Variants in PDZRN4 observed in about 807,000 individuals in gnomAD.
The protein encoded by PDZRN4 is PDZ domain-containing RING finger protein 4.
Under a neutral mutation model 99.0 loss-of-function variants are expected in PDZRN4, and 70 were observed. The ratio of observed to expected loss-of-function variants is 0.71; its 90% CI spans 0.58 to 0.86. The LOEUF is 0.86. Ranked by LOEUF, PDZRN4 falls within the 40% of genes least tolerant of loss-of-function variation. The pLI, the probability that PDZRN4 is intolerant of heterozygous loss-of-function variation, is 0.00. For synonymous variants in PDZRN4, 551 were observed against 501.6 expected (o/e 1.10, Z -1.32); for missense variants, 1,474 against 1,331.2 (o/e 1.11, Z -1.67).
intron 5 of PDZRN4, among the ~76,000 whole-genome samples, chr12:41,522,614 T>G (rs1302404622): frequency 6.6e-6 from 1 of 152,146 alleles, no homozygotes; most frequent in Non-Finnish European, 1.5e-5. Flanking sequence ...CTGGCCGTTT[T>G]ATATGCAGGT....
chr12:41,552,736 C>T lies in PDZRN4; in HGVS notation c.1284C>T (p.Thr428=), dbSNP rs758513819. 3.4e-5 allele frequency: 55 copies of T among 1,613,012 alleles called. No homozygotes were observed. The highest frequency in any genetic ancestry group is 5.0e-5 in the Admixed American group (3 of 59,962). ...ACCGAACAGATGATGAAGAAGACAC[C>T]GGCATTTATGTCAGCGAGGTAAGAA... ...VCYRTDDEED[T]GIYVSEVDPN... is the part of the protein sequence containing the mutation. Residue 428 remains threonine (T), a synonymous_variant, in exon 6 of 10, where the codon ACC becomes ACT. Coordinates refer to ENST00000402685, the MANE Select transcript of PDZRN4 (RefSeq NM_001164595.2).
intron 3 of PDZRN4, among the ~76,000 whole-genome samples, chr12:41,368,521 C>A (rs762680702): frequency 6.6e-6 from 1 of 152,058 alleles, no homozygotes; most frequent in Non-Finnish European, 1.5e-5. Flanking sequence ...CACATACACA[C>A]ACACTTCAAA....
At chr12:41,341,806 G>A (rs976530350) in intron 3 of PDZRN4, among the ~76,000 whole-genome samples, 4 of 151,734 alleles carry the variant, frequency 2.6e-5, no homozygotes, top group African/African-American at 9.7e-5. Flanking sequence ...TGCAATCATT[G>A]TCAAAATACC....
At chr12:41,215,649 T>C (rs1025459062) in intron 3 of PDZRN4, among the ~76,000 whole-genome samples, 1 of 151,778 alleles carries the variant, frequency 6.6e-6, no homozygotes, top group East Asian at 1.9e-4. Flanking sequence ...CATTGTAGGA[T>C]TTTTTTTACA....
At position 41,189,012 on chromosome 12, in the gene PDZRN4, A is replaced by C; in HGVS notation, c.557A>C (p.Gln186Pro). The C allele has an allele frequency of 6.4e-7, 1 of 1,554,686 alleles. No individual in the cohort carries two copies. Among genetic ancestry groups the C allele is most frequent in the Non-Finnish European group, 8.6e-7 (1 of 1,158,282 alleles). Reference protein sequence around the residue: ...AQLWALQGEVQLTARRYQEKF... With the variant: ...AQLWALQGEVPLTARRYQEKF... ...CTCTGGGCGCTGCAGGGCGAGGTGC[A>C]GCTCACGGCGCGCAGGTACCAGGAG... Residue 186 changes from glutamine to proline, a missense_variant, in exon 1 of 10, where the codon CAG becomes CCG. Coordinates refer to ENST00000402685, the MANE Select transcript of PDZRN4 (RefSeq NM_001164595.2).
chr12:41,425,584 C>T (rs1334848091), intron 3 of PDZRN4, among the ~76,000 whole-genome samples: 1 of 152,016 alleles, frequency 6.6e-6, no homozygotes, highest in Non-Finnish European at 1.5e-5. Flanking sequence ...GAGAATAAGA[C>T]ACCAAATATA....
intron 3 of PDZRN4, among the ~76,000 whole-genome samples, chr12:41,455,826 A>G (rs1952813116): frequency 6.6e-6 from 1 of 152,220 alleles, no homozygotes; most frequent in Non-Finnish European, 1.5e-5. Flanking sequence ...TTGGTTGAAT[A>G]GAAATTTGTT....
chr12:41,420,511 C>T (rs1952479718), intron 3 of PDZRN4, among the ~76,000 whole-genome samples: 1 of 152,094 alleles, frequency 6.6e-6, no homozygotes, highest in Non-Finnish European at 1.5e-5. Context: ...CTGCCTTACT[C>T]TTAAGTAGCT....
chr12:41,376,784 C>G (rs1952085013), intron 3 of PDZRN4, among the ~76,000 whole-genome samples: 1 of 152,108 alleles, frequency 6.6e-6, no homozygotes, highest in African/African-American at 2.4e-5. Flanking sequence ...TTAGTTTCAT[C>G]TCCAAAAAGT....
At chr12:41,238,550 A>T (rs538325945) in intron 3 of PDZRN4, among the ~76,000 whole-genome samples, 2 of 152,062 alleles carry the variant, frequency 1.3e-5, no homozygotes, top group African/African-American at 4.8e-5. Flanking sequence ...CAACCCCATT[A>T]AAAAGTGGGC....
intron 3 of PDZRN4, among the ~76,000 whole-genome samples, chr12:41,320,592 C>A (rs1373909156): frequency 6.6e-6 from 1 of 152,148 alleles, no homozygotes; most frequent in Non-Finnish European, 1.5e-5. Flanking sequence ...GGCACCTGGT[C>A]AGAAGGGAGA....
At chr12:41,436,832 A>G (rs1952633908) in intron 3 of PDZRN4, among the ~76,000 whole-genome samples, 1 of 152,198 alleles carries the variant, frequency 6.6e-6, no homozygotes, top group South Asian at 2.1e-4. Context: ...AACTCTAAAT[A>G]TAGAATCATA....
intron 3 of PDZRN4, among the ~76,000 whole-genome samples, chr12:41,497,317 T>G (rs1169655238): frequency 1.3e-5 from 2 of 152,138 alleles, no homozygotes; most frequent in Non-Finnish European, 2.9e-5. Context: ...ATGAAATAAT[T>G]TGAGTTTATT....
intron 3 of PDZRN4, among the ~76,000 whole-genome samples, chr12:41,228,088 G>A (rs1219340916): frequency 6.6e-6 from 1 of 152,066 alleles, no homozygotes; most frequent in Non-Finnish European, 1.5e-5. Context: ...AATGGTACAG[G>A]AAAAGACAGT....
intron 5 of PDZRN4, among the ~76,000 whole-genome samples, chr12:41,510,141 G>A (rs1416125914): frequency 6.6e-6 from 1 of 151,850 alleles, no homozygotes; most frequent in Admixed American, 6.6e-5. Context: ...TCATTTTGTT[G>A]CTTTTTAATA....
intron 3 of PDZRN4, among the ~76,000 whole-genome samples, chr12:41,252,533 A>C (rs1951177366): frequency 6.6e-6 from 1 of 152,176 alleles, no homozygotes; most frequent in African/African-American, 2.4e-5. Flanking sequence ...GGATCACAGG[A>C]GTTTGAGACC....
intron 3 of PDZRN4, among the ~76,000 whole-genome samples, chr12:41,215,012 A>G (rs1282329016): frequency 2.0e-5 from 3 of 152,126 alleles, no homozygotes; most frequent in Non-Finnish European, 4.4e-5. Context: ...TGTGAAATTA[A>G]GAGACTCATG....
chr12:41,438,127 G>T lies in PDZRN4; in HGVS notation c.844-68329G>T, dbSNP rs1952646656. 5.5e-6 allele frequency: 7 copies of T among 1,283,196 alleles called. No individual in the cohort carries two copies. In the South Asian group the frequency reaches 7.9e-5, roughly 15 times the overall value. 79.5% of individuals were successfully genotyped at this position (1,283,196 alleles called of 1,614,324 possible). On this transcript the variant is annotated intron_variant, in intron 3 of 9. Transcript: ENST00000402685. ...TTCTTTCAGTACATTTCAGAATTGA[G>T]GGCAGACTTGCTGGTTTGGGGCTTT...
At chr12:41,286,971 A>G (rs1013989023) in intron 3 of PDZRN4, among the ~76,000 whole-genome samples, 3 of 152,084 alleles carry the variant, frequency 2.0e-5, no homozygotes, top group Non-Finnish European at 4.4e-5. Context: ...TTTAATCAGT[A>G]TCGTTTTCTT....
Sources: gnomAD v4.1 joint callset for allele counts (sites outside exome capture counted in the v4.1 genomes callset) on GRCh38, gnomAD v4.1.1 for gene constraint, MANE v1.5 for transcripts, NCBI Gene and HGNC (gene_info 2026-07-23, HGNC 2026-07-21) for gene names.